Variants in MED23 observed in about 807,000 individuals in gnomAD.
MED23 encodes mediator complex subunit 23.
In MED23, 105 loss-of-function variants were observed where a neutral mutation model predicts 163.9. The observed-to-expected ratio is 0.64, with a 90% CI of 0.55 to 0.75. MED23 has a LOEUF of 0.75. MED23 is among the 30% of genes least tolerant of loss of function. The pLI, the probability that MED23 is intolerant of heterozygous loss-of-function variation, is 0.00. For missense variants in MED23, 1,054 were observed against 1,649.0 expected, an observed-to-expected ratio of 0.64 and a Z score of 6.25; for synonymous variants, 561 against 565.6, an observed-to-expected ratio of 0.99 and a Z score of 0.12.
intron 10 of MED23, among the ~76,000 whole-genome samples, chr6:131,615,066 C>CAAAAAAAAAAAAAA (rs5880072): frequency 1.5e-5 from 1 of 68,242 alleles, no homozygotes; most frequent in African/African-American, 5.4e-5. Context: ...TCTTTGTTAC[C>CAAAAAAAAAAAAAA]AAAAAAAAAA....
intron 6 of MED23, among the ~76,000 whole-genome samples, 163 bp downstream of exon 6, chr6:131,621,718 T>C (rs987179873): frequency 6.6e-6 from 1 of 152,224 alleles, no homozygotes; most frequent in Non-Finnish European, 1.5e-5. Context: ...AAATGTCCTT[T>C]TGAAATATAA....
At position 131,620,703 on chromosome 6, in the gene MED23, A is replaced by T; in HGVS notation, c.522T>A (p.Asn174Lys). Residue 174 changes from asparagine (N) to lysine (K), a missense_variant, in exon 7 of 29, where the codon AAT becomes AAA. Physicochemically the swap from Asn to Lys is moderately conservative, Grantham distance 94. This residue lies in a region of MED23 where 227 missense variants were observed against 235.5 expected (regional missense o/e 0.96). Transcript: ENST00000368068. Reference protein sequence around the residue: ...REVIAYILERNACLLPAYFAV... With the variant: ...REVIAYILERKACLLPAYFAV... ...CAAAATAGGCTGGTAATAAGCAGGCATTTCTTTCCAAGATATATGCTATAA... is the reference window on the plus strand; with the variant it reads ...CAAAATAGGCTGGTAATAAGCAGGCTTTTCTTTCCAAGATATATGCTATAA... The T allele has an allele frequency of 6.2e-7, 1 of 1,613,190 alleles. No individual in the cohort carries two copies. The highest frequency in any genetic ancestry group is 8.5e-7 in the Non-Finnish European group (1 of 1,179,300).
At chr6:131,581,334 C>T in intron 30 of MED23, 2 of 1,613,822 alleles carry the variant, frequency 1.2e-6, no homozygotes, top group Non-Finnish European at 1.7e-6. Context: ...TGGAAACTTG[C>T]ATGGACAACC....
intron 30 of MED23, chr6:131,581,461 T>C (rs1773921371): frequency 7.1e-7 from 1 of 1,406,564 alleles, no homozygotes; most frequent in African/African-American, 1.4e-5. Flanking sequence ...AGAAACTCCA[T>C]GTTATCTTAT....
intron 30 of MED23, chr6:131,576,534 T>C: frequency 1.2e-6 from 1 of 844,628 alleles, no homozygotes; most frequent in South Asian, 1.4e-5. Context: ...ATGATGTAAA[T>C]TCCTGGCTCT....
chr6:131,581,103 A>G, intron 30 of MED23: 1 of 1,010,742 alleles, frequency 9.9e-7, no homozygotes, highest in Non-Finnish European at 1.5e-6. Flanking sequence ...AGAACCTATC[A>G]GAAATATCAG....
intron 13 of MED23, 69 bp from the exon 14 acceptor site, chr6:131,605,554 T>A (rs938913171): frequency 2.9e-6 from 4 of 1,364,778 alleles, no homozygotes; most frequent in Non-Finnish European, 3.9e-6. Context: ...TGTATTTTTT[T>A]AAAAGTTCAA....
intron 17 of MED23, 63 bp from the exon 18 acceptor site, chr6:131,600,225 T>G (rs908412509): frequency 6.9e-7 from 1 of 1,454,336 alleles, no homozygotes. Context: ...TCATAAAAGA[T>G]TATAGCGAAA....
chr6:131,620,819 T>G, intron 6 of MED23, 90 bp from the exon 7 acceptor site: 1 of 686,794 alleles, frequency 1.5e-6, no homozygotes, highest in South Asian at 1.9e-5. Context: ...TTTTTTTTTT[T>G]GAGACAGGGT....
At chr6:131,583,419 A>G (rs758338836), downstream of MED23, 1 of 1,614,176 alleles carries the variant, frequency 6.2e-7, no homozygotes, top group South Asian at 1.1e-5. Flanking sequence ...CACACCAGCT[A>G]CTGGCACACC....
chr6:131,596,310 A>T (rs1337096976), intron 21 of MED23, 147 bp from the exon 22 acceptor site: 2 of 872,124 alleles, frequency 2.3e-6, no homozygotes, highest in African/African-American at 3.4e-5. Context: ...TTTTTATAGA[A>T]GTCCTTATGT....
intron 26 of MED23, among the ~76,000 whole-genome samples, chr6:131,590,863 C>G (rs1356161903): frequency 6.6e-6 from 1 of 152,010 alleles, no homozygotes; most frequent in African/African-American, 2.4e-5. Flanking sequence ...GTGATCCACC[C>G]ATCTCGGCCT....
At chr6:131,607,638 T>C (rs1245177594) in intron 12 of MED23, among the ~76,000 whole-genome samples, 1 of 152,132 alleles carries the variant, frequency 6.6e-6, no homozygotes, top group Non-Finnish European at 1.5e-5. Context: ...ATATCTTATA[T>C]GATAAAATAC....
chr6:131,612,078 C>T (rs907194107), intron 10 of MED23, among the ~76,000 whole-genome samples: 4 of 151,980 alleles, frequency 2.6e-5, no homozygotes, highest in Admixed American at 2.6e-4. Flanking sequence ...TATGCCATGA[C>T]TCAAGATTAC....
exon 31 of MED23, chr6:131,574,072 T>C: frequency 3.3e-6 from 2 of 606,076 alleles, no homozygotes; most frequent in Admixed American, 2.6e-5. Flanking sequence ...CACTTTTTTT[T>C]CTGCCTGGGC....
downstream of MED23, chr6:131,582,922 CA>C: frequency 1.3e-6 from 1 of 776,378 alleles, no homozygotes; most frequent in Non-Finnish European, 2.1e-6. Flanking sequence ...AAAATAAATA[CA>C]AATAAAACTA....
intron 7 of MED23, 140 bp downstream of exon 7, chr6:131,620,488 C>A (rs1777016180): frequency 3.0e-6 from 2 of 672,154 alleles, no homozygotes; most frequent in Non-Finnish European, 5.4e-6. Context: ...TTTGCAGAGA[C>A]AGAGTCTTGT....
chr6:131,628,148 A>AGGTCTCCAACTTTAAT lies in MED23; in HGVS notation c.-100_-99insATTAAAGTTGGAGACC. 2 of 1,390,654 alleles carry AGGTCTCCAACTTTAAT rather than the reference A, an allele frequency of 1.4e-6. No homozygotes were observed. Among genetic ancestry groups the AGGTCTCCAACTTTAAT allele is most frequent in the Non-Finnish European group, 2.0e-6 (2 of 984,078 alleles). 86.1% of individuals were successfully genotyped at this position (1,390,654 alleles called of 1,614,324 possible). Reference sequence around the variant, plus strand: ...GCAGAGGGGCGGAGACCTCTGGAGGAAACCGTAGCTCCTCGGCGTCGCTTC... The same window carrying AGGTCTCCAACTTTAAT: ...GCAGAGGGGCGGAGACCTCTGGAGGAGGTCTCCAACTTTAATAACCGTAGCTCCTCGGCGTCGCTTC... On this transcript the variant is annotated 5_prime_UTR_variant, in exon 1 of 29. Coordinates refer to ENST00000368068, the MANE Select transcript of MED23 (RefSeq NM_004830.4).
At chr6:131,590,128 G>C (rs574474335) in intron 27 of MED23, among the ~76,000 whole-genome samples, 194 bp downstream of exon 27, 64 of 152,232 alleles carry the variant, frequency 4.2e-4, no homozygotes, top group African/African-American at 1.5e-3. Flanking sequence ...CGTTTCCTCT[G>C]CATCTCCAAT....
Sources: gnomAD v4.1 joint callset for allele counts (sites outside exome capture counted in the v4.1 genomes callset) on GRCh38, gnomAD v4.1.1 for gene constraint, gnomAD v4.1.1 regional missense constraint, MANE v1.5 for transcripts, NCBI Gene and HGNC (gene_info 2026-07-23, HGNC 2026-07-21) for gene names.